Variants in NIBAN1 observed in about 807,000 individuals in gnomAD.
NIBAN1 encodes the protein protein Niban 1.
A neutral mutation model predicts 75.1 loss-of-function variants in NIBAN1; 81 were observed. The observed-to-expected ratio is 1.08, with a 90% confidence interval of 0.90 to 1.30. The LOEUF (loss-of-function observed/expected upper bound fraction) is 1.30. NIBAN1 is among the 50% of genes most tolerant of loss of function. NIBAN1 has a pLI of 0.00. For missense variants in NIBAN1, 1,133 were observed against 1,128.1 expected (o/e 1.00, Z -0.06); for synonymous variants, 436 against 424.8 (o/e 1.03, Z -0.32).
chr1:184,952,633 C>G (rs1289795754), intron 1 of NIBAN1, among the ~76,000 whole-genome samples: 1 of 152,170 alleles, frequency 6.6e-6, no homozygotes, highest in African/African-American at 2.4e-5. Context: ...TTGTGTTGGG[C>G]CACATTCAAA....
chr1:184,806,327 CTTTGA>C (rs1654198038), intron 10 of NIBAN1, among the ~76,000 whole-genome samples: 1 of 152,222 alleles, frequency 6.6e-6, no homozygotes. Flanking sequence ...CACTCCTATT[CTTTGA>C]TACCTGCAGC....
At position 184,967,993 on chromosome 1, in the gene NIBAN1, G is replaced by T. The variant is rs112491164; in HGVS notation, c.55+6309C>A. Among the ~76,000 whole-genome samples the T allele has an allele frequency of 1.9e-4, 2 of 10,426 alleles. 1 individual carries two copies. The highest frequency in any genetic ancestry group is 7.5e-4 in the Non-Finnish European group (2 of 2,680). 6.8% of individuals were successfully genotyped at this position (10,426 alleles called of 152,430 possible). On this transcript the variant is annotated intron_variant, in intron 1 of 13. Coordinates refer to ENST00000367511, the MANE Select transcript of NIBAN1 (RefSeq NM_052966.4). ...CCGAGGCGGGTGGATCATGAGGTCA[G>T]GAGATCGAGACCATCCTGGCTAACA...
chr1:184,827,491 A>G (rs1405867796), intron 6 of NIBAN1, among the ~76,000 whole-genome samples: 1 of 150,300 alleles, frequency 6.7e-6, no homozygotes, highest in Non-Finnish European at 1.5e-5. Context: ...TAATGAAGGA[A>G]TTCCCTAGCC....
intron 6 of NIBAN1, among the ~76,000 whole-genome samples, chr1:184,827,086 T>C (rs956275591): frequency 1.3e-5 from 2 of 152,180 alleles, no homozygotes; most frequent in Admixed American, 6.5e-5. Flanking sequence ...TCTGCTGCCA[T>C]GTAAGATGCG....
chr1:184,922,853 T>C (rs1657595167), intron 1 of NIBAN1, among the ~76,000 whole-genome samples: 2 of 152,188 alleles, frequency 1.3e-5, no homozygotes, highest in South Asian at 4.1e-4. Flanking sequence ...GTGATCCACC[T>C]GTTTCGGCCT....
chr1:184,902,183 T>C (rs1418072434), intron 1 of NIBAN1, among the ~76,000 whole-genome samples: 1 of 151,978 alleles, frequency 6.6e-6, no homozygotes, highest in African/African-American at 2.4e-5. Context: ...TGATGAGCTA[T>C]GATTGCACCA....
intron 6 of NIBAN1, among the ~76,000 whole-genome samples, chr1:184,827,875 A>G (rs1209555107): frequency 6.6e-6 from 1 of 151,564 alleles, no homozygotes; most frequent in East Asian, 1.9e-4. Context: ...ATCCAGTCAA[A>G]AGGAGTCACA....
At chr1:184,874,383 G>A (rs577047067) in intron 5 of NIBAN1, among the ~76,000 whole-genome samples, 224 of 152,048 alleles carry the variant, frequency 1.5e-3, no homozygotes, top group African/African-American at 5.1e-3. Context: ...TCCTTTAAAT[G>A]ATGTATATGT....
At chr1:184,920,191 A>G (rs1202094806) in intron 1 of NIBAN1, among the ~76,000 whole-genome samples, 1 of 152,186 alleles carries the variant, frequency 6.6e-6, no homozygotes, top group Non-Finnish European at 1.5e-5. Flanking sequence ...CCCATGACTA[A>G]ATTATCGGAA....
At chr1:184,803,039 C>G (rs1654087553) in intron 12 of NIBAN1, among the ~76,000 whole-genome samples, 1 of 152,206 alleles carries the variant, frequency 6.6e-6, no homozygotes, top group African/African-American at 2.4e-5. Flanking sequence ...CCCTCGCAAT[C>G]ATGGTTCTCA....
At position 184,894,114 on chromosome 1, in the gene NIBAN1, AACT is replaced by A; in HGVS notation, c.276_278del (p.Val93del). 1 of 1,612,574 alleles carries A rather than the reference AACT, an allele frequency of 6.2e-7. No individual in the cohort carries two copies. Among genetic ancestry groups the A allele is most frequent in the Non-Finnish European group, 8.5e-7 (1 of 1,179,324 alleles). On this transcript the variant is annotated inframe_deletion, in exon 3 of 14. Coordinates refer to ENST00000367511, the MANE Select transcript of NIBAN1 (RefSeq NM_052966.4). ...AGCTCTCCACAGCATAATCATTTTT[AACT>A]ACAACGTATCTCTCCTTCCACTTCT...
intron 1 of NIBAN1, among the ~76,000 whole-genome samples, chr1:184,916,888 C>A (rs1435998728): frequency 6.6e-6 from 1 of 152,112 alleles, no homozygotes; most frequent in East Asian, 1.9e-4. Context: ...CCCTAGAACC[C>A]CTCCAAGTTT....
chr1:184,836,763 T>C (rs924877237), intron 5 of NIBAN1, among the ~76,000 whole-genome samples: 3 of 152,230 alleles, frequency 2.0e-5, no homozygotes, highest in Non-Finnish European at 4.4e-5. Flanking sequence ...TTCTGGACTC[T>C]ACCATTCAGG....
At chr1:184,872,336 A>C (rs965964963) in intron 5 of NIBAN1, among the ~76,000 whole-genome samples, 1 of 152,094 alleles carries the variant, frequency 6.6e-6, no homozygotes, top group Non-Finnish European at 1.5e-5. Context: ...AGAGAAGTAG[A>C]GAACTGAATG....
At chr1:184,931,995 C>T (rs1339466903) in intron 1 of NIBAN1, among the ~76,000 whole-genome samples, 2 of 152,200 alleles carry the variant, frequency 1.3e-5, no homozygotes, top group Non-Finnish European at 2.9e-5. Flanking sequence ...CCAGCTATTT[C>T]TGAATATTAG....
At chr1:184,856,778 C>G (rs1011229230) in intron 5 of NIBAN1, among the ~76,000 whole-genome samples, 1 of 152,210 alleles carries the variant, frequency 6.6e-6, no homozygotes, top group Non-Finnish European at 1.5e-5. Context: ...GCACTCTGAA[C>G]AATCACAAGG....
chr1:184,973,095 T>C (rs1249040020), intron 1 of NIBAN1, among the ~76,000 whole-genome samples: 1 of 152,224 alleles, frequency 6.6e-6, no homozygotes, highest in Non-Finnish European at 1.5e-5. Flanking sequence ...TTCAGCTCTT[T>C]TACTAATATA....
intron 1 of NIBAN1, among the ~76,000 whole-genome samples, chr1:184,962,446 T>C (rs1328313172): frequency 6.6e-6 from 1 of 152,184 alleles, no homozygotes. Flanking sequence ...ATTAAAAAGA[T>C]ATATTTTCCC....
At chr1:184,940,618 G>C (rs979698719) in intron 1 of NIBAN1, among the ~76,000 whole-genome samples, 1 of 152,204 alleles carries the variant, frequency 6.6e-6, no homozygotes, top group African/African-American at 2.4e-5. Flanking sequence ...GGGCTAGGGG[G>C]AGAACTAGTG....
Sources: gnomAD v4.1 joint callset for allele counts (sites outside exome capture counted in the v4.1 genomes callset) on GRCh38, gnomAD v4.1.1 for gene constraint, MANE v1.5 for transcripts, NCBI Gene and HGNC (gene_info 2026-07-23, HGNC 2026-07-21) for gene names.